The following CARMIL2 variants were observed in gnomAD, a reference collection of about 807,000 sequenced individuals.
The protein encoded by CARMIL2 is capping protein, Arp2/3 and myosin-I linker protein 2.
Under a neutral mutation model 173.3 loss-of-function variants are expected in CARMIL2, and 96 were observed. That is an observed-to-expected ratio of 0.55 (90% CI 0.47 to 0.66). The LOEUF is 0.66. CARMIL2 is among the 30% of genes least tolerant of loss of function. The pLI is 0.00. For synonymous variants in CARMIL2, 830 were observed against 817.1 expected, an observed-to-expected ratio of 1.02 and a Z score of -0.27; for missense variants, 1,771 against 1,906.7, an observed-to-expected ratio of 0.93 and a Z score of 1.33.
rs1422053328 is a variant in CARMIL2 at position 67,646,876 on chromosome 16, T to C, written c.538-24T>C. 1 of 1,613,560 alleles carries C rather than the reference T, an allele frequency of 6.2e-7. No homozygotes were observed. The highest frequency in any genetic ancestry group is 8.5e-7 in the Non-Finnish European group (1 of 1,179,770). On this transcript the variant is annotated intron_variant, in intron 7 of 37. Coordinates refer to ENST00000334583, the MANE Select transcript of CARMIL2 (RefSeq NM_001013838.3). This position sits in a 1 kb window ranked among gnomAD's most constrained non-coding sequence, Gnocchi z 4.6. ...CTGCCCCTTGTGGCCCCAGGCGAAC[T>C]GTAAGCATCTCCTTCTCACCCAGGA...
rs2052614972 is a variant in CARMIL2, at chr16:67,647,406, G to A, written c.776+19G>A. 2 of 1,566,700 alleles carry A rather than the reference G, an allele frequency of 1.3e-6. No individual in the cohort carries two copies. Among genetic ancestry groups the A allele is most frequent in the African/African-American group, 2.7e-5 (2 of 73,962 alleles). On this transcript the variant is annotated intron_variant, in intron 10 of 37. Coordinates refer to ENST00000334583, the MANE Select transcript of CARMIL2 (RefSeq NM_001013838.3). ...TGAGGGGGTGAGGGGGACAGGGCAG[G>A]GCTTGGAGAGGAGAGTCTGGAGGCT...
At position 67,651,543 on chromosome 16, in the gene CARMIL2, C is replaced by A. The variant is rs1321594750; in HGVS notation, c.2427+29C>A. ...AGAGGGTACTCCTGCCCCAACCCCA[C>A]CTCCGTTTGCAGGTTTGACTCCCAT... On this transcript the variant is annotated intron_variant, in intron 24 of 37. Transcript: ENST00000334583. This position sits in a 1 kb window ranked among gnomAD's most constrained non-coding sequence, Gnocchi z 4.2. The A allele has an allele frequency of 1.3e-6, 2 of 1,564,836 alleles. No homozygotes were observed. The highest frequency in any genetic ancestry group is 8.7e-7 in the Non-Finnish European group (1 of 1,154,026).
intron 29 of CARMIL2, 57 bp from the exon 30 acceptor site, chr16:67,654,092 G>GGT: frequency 6.4e-6 from 7 of 1,091,944 alleles, no homozygotes; most frequent in Non-Finnish European, 8.9e-6. Context: ...GGGGGGGGGG[G>GGT]GGGTAGAAGC....
At chr16:67,656,687 G>A (rs1244214927) in intron 35 of CARMIL2, 42 bp downstream of exon 35, 4 of 1,575,696 alleles carry the variant, frequency 2.5e-6, no homozygotes, top group East Asian at 4.5e-5. Context: ...CTGGCCTCGG[G>A]GCTGGAGGAG....
chr16:67,647,657 C>A (rs751783852), intron 11 of CARMIL2, 23 bp from the exon 12 acceptor site: 1 of 1,599,324 alleles, frequency 6.3e-7, no homozygotes, highest in South Asian at 1.1e-5. Flanking sequence ...GTGAGACCCA[C>A]GTGGCTGTTC....
At position 67,651,277 on chromosome 16, in the gene CARMIL2, G is replaced by A. The variant is rs2052717220; in HGVS notation, c.2275G>A (p.Ala759Thr). Residue 759 changes from alanine (A) to threonine (T), a missense_variant, in exon 23 of 38, where the codon GCC becomes ACC. Around this residue, in one of 3 missense-constraint regions of CARMIL2, gnomAD observed 817 missense variants for 903.5 expected, o/e 0.90. Coordinates refer to ENST00000334583, the MANE Select transcript of CARMIL2 (RefSeq NM_001013838.3). The surrounding 1 kb of genome is among the most constrained non-coding windows in gnomAD (Gnocchi z 4.2). ...GPQGEAAVRQ[A>T]EDAIQNANFS... ...CCAGGGTGAAGCCGCTGTGCGCCAGGCCGAGGATGCCATCCAAAATGCCAA... is the reference window on the plus strand; with the variant it reads ...CCAGGGTGAAGCCGCTGTGCGCCAGACCGAGGATGCCATCCAAAATGCCAA... 1.2e-6 allele frequency: 2 copies of A among 1,613,624 alleles called. No homozygotes were observed. The highest frequency in any genetic ancestry group is 2.2e-5 in the East Asian group (1 of 44,878).
In CARMIL2 at chr16:67,648,797, G is replaced by GC. The variant is rs1243147890; in HGVS notation, c.1509+44dup. On this transcript the variant is annotated intron_variant, in intron 16 of 37. Transcript: ENST00000334583. This position sits in a 1 kb window ranked among gnomAD's most constrained non-coding sequence, Gnocchi z 6.1. ...GAAGAGACCACACATTGGGAGAGGC[G>GC]CTGGGAGGCGGAAGGGCAGGGCCGT... 1 of 1,570,368 alleles carries GC rather than the reference G, an allele frequency of 6.4e-7. No homozygotes were observed. Among genetic ancestry groups the GC allele is most frequent in the Non-Finnish European group, 8.6e-7 (1 of 1,158,340 alleles).
At chr16:67,654,296 A>G (rs1297210551) in intron 30 of CARMIL2, 36 bp from the exon 31 acceptor site, 13 of 1,580,076 alleles carry the variant, frequency 8.2e-6, no homozygotes, top group Non-Finnish European at 1.0e-5. Flanking sequence ...GGGATGCCTG[A>G]TGGGCTTTCT....
At position 67,651,437 on chromosome 16, in the gene CARMIL2, A is replaced by G; in HGVS notation, c.2350A>G (p.Ser784Gly). The change falls in exon 24 of 38, where the codon AGC becomes GGC. Residue 784 changes from serine (S) to glycine (G), a missense_variant. Ser to Gly is a moderately conservative substitution (Grantham distance 56). This residue lies in a region of CARMIL2 where 817 missense variants were observed against 903.5 expected (regional missense o/e 0.90). Transcript: ENST00000334583. This position sits in a 1 kb window ranked among gnomAD's most constrained non-coding sequence, Gnocchi z 4.2. Reference sequence around the variant, plus strand: ...TCTATATGAAGCTGGAAGCTCCCCAAGCCATCACTGGCAGCTTGGGCAGAA... The same window carrying G: ...TCTATATGAAGCTGGAAGCTCCCCAGGCCATCACTGGCAGCTTGGGCAGAA... ...PILYEAGSSP[S>G]HHWQLGQKLE... The G allele has an allele frequency of 1.3e-6, 2 of 1,596,484 alleles. No individual in the cohort carries two copies. Among genetic ancestry groups the G allele is most frequent in the Non-Finnish European group, 1.7e-6 (2 of 1,170,026 alleles).
chr16:67,657,401 C>A lies in CARMIL2; in HGVS notation c.4196-5C>A. On this transcript the variant is annotated splice_polypyrimidine_tract_variant and splice_region_variant and intron_variant, in intron 37 of 37. Transcript: ENST00000334583. The surrounding 1 kb of genome is among the most constrained non-coding windows in gnomAD (Gnocchi z 4.5). The stretch of plus-strand genomic sequence containing the variant: ...CTTCCTCTCTCTCCCTCCCTCCCCT[C>A]ACAGGATCTGGCCTTGGAACCGAGC... 1 of 1,605,986 alleles carries A rather than the reference C, an allele frequency of 6.2e-7. No homozygotes were observed. The highest frequency in any genetic ancestry group is 8.5e-7 in the Non-Finnish European group (1 of 1,176,420).
chr16:67,646,237 G>C lies in CARMIL2; in HGVS notation c.301G>C (p.Val101Leu), dbSNP rs373450937. 9 of 1,613,814 alleles carry C rather than the reference G, an allele frequency of 5.6e-6. No homozygotes were observed. Among genetic ancestry groups the C allele is most frequent in the Non-Finnish European group, 6.8e-6 (8 of 1,179,882 alleles). ...TGAGCTGGTCCTGGAGTTTCCTGGT[G>C]TGGCCGCCCTGGAACAGCTGGCCCA... ...LRELVLEFPG[V>L]AALEQLAQHV... Residue 101 changes from valine to leucine, a missense_variant, in exon 5 of 38, where the codon GTG (valine) becomes CTG (leucine). Val to Leu is a conservative substitution (Grantham distance 32). Coordinates refer to ENST00000334583, the MANE Select transcript of CARMIL2 (RefSeq NM_001013838.3). The surrounding 1 kb of genome is among the most constrained non-coding windows in gnomAD (Gnocchi z 4.6).
chr16:67,648,866 TTCCCACC>T lies in CARMIL2; in HGVS notation c.1510-13_1510-7del, dbSNP rs745334828. 27 of 1,592,274 alleles carry T rather than the reference TTCCCACC, an allele frequency of 1.7e-5. No homozygotes were observed. The highest frequency in any genetic ancestry group is 7.0e-5 in the Admixed American group (4 of 56,796). On this transcript the variant is annotated intron_variant, in intron 16 of 37. Transcript: ENST00000334583. The surrounding 1 kb of genome is among the most constrained non-coding windows in gnomAD (Gnocchi z 6.1). ...CACTCGCGGCCTAAGTGGGTCCCAC[TTCCCACC>T]TCCCACCTCCCACATACAGCTGCGC...
In CARMIL2 at chr16:67,654,418, C is replaced by T; in HGVS notation, c.3308C>T (p.Ala1103Val). The change falls in exon 31 of 38, where the codon GCC (alanine) becomes GTC (valine). Residue 1103 changes from alanine to valine, a missense_variant. Around this residue, in one of 3 missense-constraint regions of CARMIL2, gnomAD observed 817 missense variants for 903.5 expected, o/e 0.90. Transcript: ENST00000334583. The stretch of plus-strand genomic sequence containing the variant: ...CGAAAGAAGCTGGGCACCCTCTTTG[C>T]CTTCAAGAAGCCTCGTTCAACGCGG... Reference protein sequence around the residue: ...TLRKKLGTLFAFKKPRSTRGP... With the variant: ...TLRKKLGTLFVFKKPRSTRGP... 6.2e-7 allele frequency: 1 copy of T among 1,611,580 alleles called. No homozygotes were observed. The highest frequency in any genetic ancestry group is 8.5e-7 in the Non-Finnish European group (1 of 1,179,150).
chr16:67,646,975 T>C lies in CARMIL2; in HGVS notation c.611+2T>C, dbSNP rs779758517. ...AGACTTCAGCCACCTCGGCAGTCGG[T>C]GTGTGGCCTGCCAGGATGGGAGAGG... is the stretch of plus-strand genomic sequence containing the variant. On this transcript the variant is annotated splice_donor_variant, in intron 8 of 37. Coordinates refer to ENST00000334583, the MANE Select transcript of CARMIL2 (RefSeq NM_001013838.3). LOFTEE classifies it high-confidence loss of function. The surrounding 1 kb of genome is among the most constrained non-coding windows in gnomAD (Gnocchi z 4.6). 1 of 1,612,782 alleles carries C rather than the reference T, an allele frequency of 6.2e-7. No homozygotes were observed. Among genetic ancestry groups the C allele is most frequent in the Non-Finnish European group, 8.5e-7 (1 of 1,179,584 alleles).
chr16:67,654,097 A>C, intron 29 of CARMIL2, 52 bp from the exon 30 acceptor site: 16 of 649,018 alleles, frequency 2.5e-5, no homozygotes, highest in South Asian at 4.0e-5. Flanking sequence ...GGGGGGGGGT[A>C]GAAGCCAGAG....
In CARMIL2 at chr16:67,652,448, C is replaced by G. The variant is rs367793710; in HGVS notation, c.2818-24C>G. 1.1e-5 allele frequency: 17 copies of G among 1,612,936 alleles called. No homozygotes were observed. The highest frequency in any genetic ancestry group is 1.4e-5 in the Non-Finnish European group (17 of 1,179,522). On this transcript the variant is annotated intron_variant, in intron 27 of 37. Coordinates refer to ENST00000334583, the MANE Select transcript of CARMIL2 (RefSeq NM_001013838.3). This position sits in a 1 kb window ranked among gnomAD's most constrained non-coding sequence, Gnocchi z 4.7. ...TGGGTTGGTGCTCTCCTACCCCAGG[C>G]TGAGTTTGTGCCCTCCCCACCAGGA...
intron 3 of CARMIL2, 57 bp from the exon 4 acceptor site, chr16:67,645,961 G>T: frequency 6.2e-7 from 1 of 1,606,690 alleles, no homozygotes; most frequent in Non-Finnish European, 8.5e-7. Context: ...CAAAGGACTG[G>T]ACTTCCATGA....
rs1472045624 is a variant in CARMIL2 at position 67,652,389 on chromosome 16, G to A, written c.2817+50G>A. 1 of 1,612,234 alleles carries A rather than the reference G, an allele frequency of 6.2e-7. No individual in the cohort carries two copies. The highest frequency in any genetic ancestry group is 1.1e-5 in the South Asian group (1 of 90,978). ...ATGGCACTCCCAGTCTTCCCATCTT[G>A]CTGTGGAGTGTGGAAGGTGAAAGGC... On this transcript the variant is annotated intron_variant, in intron 27 of 37. Transcript: ENST00000334583. The surrounding 1 kb of genome is among the most constrained non-coding windows in gnomAD (Gnocchi z 4.7).
At position 67,646,368 on chromosome 16, in the gene CARMIL2, T is replaced by C; in HGVS notation, c.374+58T>C. 3 of 1,607,794 alleles carry C rather than the reference T, an allele frequency of 1.9e-6. No homozygotes were observed. The highest frequency in any genetic ancestry group is 2.6e-6 in the Non-Finnish European group (3 of 1,175,746). ...GGAGGAGGGAGTGCATGAGAAGGGC[T>C]GCTTCCCATCCCAGAGGCTGGAAGT... is the stretch of plus-strand genomic sequence containing the variant. On this transcript the variant is annotated intron_variant, in intron 5 of 37. Transcript: ENST00000334583. The surrounding 1 kb of genome is among the most constrained non-coding windows in gnomAD (Gnocchi z 4.6).
Sources: gnomAD v4.1 joint callset for allele counts on GRCh38, gnomAD v4.1.1 for gene constraint, gnomAD v4.1.1 regional missense constraint, Gnocchi (gnomAD v3.1) non-coding constraint, MANE v1.5 for transcripts, NCBI Gene and HGNC (gene_info 2026-07-23, HGNC 2026-07-21) for gene names.